Variants in MYO1D observed in about 807,000 individuals in gnomAD.
The protein encoded by MYO1D is myosin ID.
In MYO1D, 83 loss-of-function variants were observed where a neutral mutation model predicts 122.0. The ratio of observed to expected loss-of-function variants is 0.68; its 90% CI spans 0.57 to 0.82. The LOEUF is 0.82. Ranked by LOEUF, MYO1D falls within the 40% of genes least tolerant of loss-of-function variation. The probability of loss-of-function intolerance (pLI) is 0.00; values close to 1 mark genes in which losing one functional copy is unlikely to be tolerated. For missense variants in MYO1D, 1,157 were observed against 1,269.5 expected (o/e 0.91, Z 1.35); for synonymous variants, 464 against 446.9 (o/e 1.04, Z -0.48).
rs763792533 is a variant in MYO1D, at chr17:32,712,132, G to C, written c.1977C>G (p.Val659=). Residue 659 remains valine (V), a synonymous_variant, in exon 16 of 22, where the codon GTC becomes GTG. Coordinates refer to ENST00000318217, the MANE Select transcript of MYO1D (RefSeq NM_015194.3). ...NHDLPSDKEA[V]KKLIERCGFQ... ...AACCACACCGTTCAATTAGTTTCTT[G>C]ACAGCCTCTTTGTCTGAAGGAAGGT... 6.2e-7 allele frequency: 1 copy of C among 1,614,038 alleles called. No individual in the cohort carries two copies. The highest frequency in any genetic ancestry group is 1.7e-5 in the Admixed American group (1 of 60,022).
chr17:32,843,192 C>T (rs1008512633), intron 1 of MYO1D, among the ~76,000 whole-genome samples: 1 of 152,068 alleles, frequency 6.6e-6, no homozygotes, highest in Non-Finnish European at 1.5e-5. Context: ...GCCCAGTCTA[C>T]GTCTATTTCT....
chr17:32,623,771 C>G (rs1012672331), intron 20 of MYO1D, among the ~76,000 whole-genome samples: 1 of 152,134 alleles, frequency 6.6e-6, no homozygotes, highest in Non-Finnish European at 1.5e-5. Flanking sequence ...AGCTAGAAGT[C>G]CGAGATGAGG....
intron 5 of MYO1D, 134 bp downstream of exon 5, chr17:32,772,655 T>C (rs2090126810): frequency 2.7e-6 from 2 of 730,006 alleles, no homozygotes; most frequent in East Asian, 5.1e-5. Flanking sequence ...CGTGCGTGCG[T>C]GCGTGCATGC....
chr17:32,871,414 G>A (rs2091179089), intron 1 of MYO1D, among the ~76,000 whole-genome samples: 1 of 152,102 alleles, frequency 6.6e-6, no homozygotes, highest in Non-Finnish European at 1.5e-5. Context: ...TCTAAGCAAA[G>A]GTACAAAAGA....
At chr17:32,766,606 T>C (rs567436355) in intron 7 of MYO1D, among the ~76,000 whole-genome samples, 1 of 152,004 alleles carries the variant, frequency 6.6e-6, no homozygotes, top group East Asian at 1.9e-4. Context: ...CTGTCCTGGC[T>C]ATGGTGAAAC....
chr17:32,680,982 G>T (rs1371738160), intron 16 of MYO1D, among the ~76,000 whole-genome samples: 2 of 152,186 alleles, frequency 1.3e-5, no homozygotes, highest in Admixed American at 6.5e-5. Context: ...AGTCTTGGGA[G>T]AGTGTATGTG....
At chr17:32,653,607 C>CA (rs35172819) in intron 19 of MYO1D, among the ~76,000 whole-genome samples, 6,212 of 99,700 alleles carry the variant, frequency 0.062, 196 homozygotes, top group East Asian at 0.19. Flanking sequence ...ACTCCGTCTC[C>CA]AAAAAAAAAA....
At chr17:32,685,838 A>G (rs1256446570) in intron 16 of MYO1D, among the ~76,000 whole-genome samples, 2 of 152,234 alleles carry the variant, frequency 1.3e-5, no homozygotes, top group African/African-American at 4.8e-5. Context: ...ATTATAGTTG[A>G]GCAAATATTC....
intron 1 of MYO1D, among the ~76,000 whole-genome samples, chr17:32,829,145 C>A (rs2090749982): frequency 1.3e-5 from 2 of 152,066 alleles, no homozygotes; most frequent in Admixed American, 1.3e-4. Flanking sequence ...GAAATAGTAG[C>A]AAAAAGAGAG....
chr17:32,740,878 G>A (rs1450675231), intron 13 of MYO1D, among the ~76,000 whole-genome samples: 1 of 152,104 alleles, frequency 6.6e-6, no homozygotes, highest in Non-Finnish European at 1.5e-5. Context: ...AATAGGTAAG[G>A]CAGATCTCAT....
intron 1 of MYO1D, among the ~76,000 whole-genome samples, chr17:32,817,311 T>C (rs1386953281): frequency 6.6e-6 from 1 of 152,238 alleles, no homozygotes; most frequent in Non-Finnish European, 1.5e-5. Context: ...GACTGAAGAC[T>C]GAAGCTTCTT....
chr17:32,504,940 A>G (rs16967356), intron 21 of MYO1D: 13,180 of 152,512 alleles, frequency 0.086, 1,887 homozygotes, highest in African/African-American at 0.3. Context: ...CTCCTTCTCC[A>G]CTGCCGACAG....
intron 10 of MYO1D, chr17:32,760,087 G>A: frequency 5.6e-6 from 4 of 708,858 alleles, no homozygotes; most frequent in Non-Finnish European, 7.7e-6. Context: ...GGATGTTCTG[G>A]GCATCAACAA....
At chr17:32,766,182 C>T (rs1167019461) in intron 7 of MYO1D, among the ~76,000 whole-genome samples, 1 of 152,070 alleles carries the variant, frequency 6.6e-6, no homozygotes, top group Non-Finnish European at 1.5e-5. Context: ...CAACCCCGCC[C>T]AGCTGAAATG....
At chr17:32,512,959 G>A (rs963451214) in intron 21 of MYO1D, 8 of 152,244 alleles carry the variant, frequency 5.3e-5, no homozygotes, top group South Asian at 4.1e-4. Flanking sequence ...CCCAGCCAAG[G>A]ATTCTTGAAG....
intron 15 of MYO1D, among the ~76,000 whole-genome samples, chr17:32,719,583 C>T (rs1263724311): frequency 2.0e-5 from 3 of 152,032 alleles, no homozygotes; most frequent in Non-Finnish European, 4.4e-5. Context: ...ATCTCCTGAC[C>T]TCATGATCTG....
At chr17:32,595,772 A>G (rs1214761770) in intron 21 of MYO1D, among the ~76,000 whole-genome samples, 1 of 152,242 alleles carries the variant, frequency 6.6e-6, no homozygotes, top group African/African-American at 2.4e-5. Flanking sequence ...TAAAGCTTGT[A>G]TTCCAGTTGG....
At chr17:32,500,230 T>A (rs1394872999) in intron 21 of MYO1D, among the ~76,000 whole-genome samples, 1 of 152,122 alleles carries the variant, frequency 6.6e-6, no homozygotes, top group Non-Finnish European at 1.5e-5. Flanking sequence ...TGTAAATGGC[T>A]CTCTCCCAGT....
chr17:32,739,607 G>A (rs1483538983), intron 13 of MYO1D, among the ~76,000 whole-genome samples: 2 of 151,362 alleles, frequency 1.3e-5, no homozygotes, highest in East Asian at 4.0e-4. Flanking sequence ...AAACCTGCAC[G>A]CTGTGCACAT....
Sources: allele counts gnomAD v4.1 joint callset (sites outside exome capture counted in the v4.1 genomes callset), GRCh38; gene constraint gnomAD v4.1.1; transcripts MANE v1.5; gene names NCBI Gene and HGNC (gene_info 2026-07-23, HGNC 2026-07-21).